Variants in ATP6V1C2 observed in about 807,000 individuals in gnomAD.
The protein encoded by ATP6V1C2 is ATPase H+ transporting V1 subunit C2, also known as V-type proton ATPase subunit C 2.
A neutral mutation model predicts 56.8 loss-of-function variants in ATP6V1C2; 45 were observed. The ratio of observed to expected loss-of-function variants is 0.79; its 90% CI spans 0.62 to 1.02. The LOEUF (loss-of-function observed/expected upper bound fraction) is 1.02, where lower values mean the gene tolerates loss of function less well. Among genes scored for constraint, ATP6V1C2 ranks in the 50% least tolerant of loss-of-function variants. The probability of loss-of-function intolerance (pLI) is 0.00; values close to 1 mark genes in which losing one functional copy is unlikely to be tolerated. For missense variants in ATP6V1C2, 463 were observed against 519.7 expected (o/e 0.89, Z 1.06); for synonymous variants, 220 against 201.3 (o/e 1.09, Z -0.79).
intron 3 of ATP6V1C2, among the ~76,000 whole-genome samples, chr2:10,747,630 T>G (rs911694929): frequency 2.5e-4 from 38 of 151,978 alleles, no homozygotes; most frequent in African/African-American, 8.7e-4. Flanking sequence ...AAGGCTGAGG[T>G]GGGAGGATCA....
At chr2:10,731,466 C>A (rs1661948792) in intron 3 of ATP6V1C2, among the ~76,000 whole-genome samples, 1 of 152,232 alleles carries the variant, frequency 6.6e-6, no homozygotes, top group Non-Finnish European at 1.5e-5. Context: ...GGAGGTATGA[C>A]TGGCCTTGTA....
rs151314605 is a variant in ATP6V1C2 at position 10,728,526 on chromosome 2, C to G, written c.197+1957C>G. 5.9e-3 allele frequency among the ~76,000 whole-genome samples: 902 copies of G among 151,988 alleles called. 9 individuals carry two copies. Among genetic ancestry groups the G allele is most frequent in the African/African-American group, 0.019 (774 of 41,458 alleles). On this transcript the variant is annotated intron_variant, in intron 3 of 13. Coordinates refer to ENST00000272238, the MANE Select transcript of ATP6V1C2 (RefSeq NM_001039362.2). ...GCTGTGTTACTGTGAATAGATGTAC[C>G]CTCATTTATTTGAATAGACTGGTGG...
intron 12 of ATP6V1C2, among the ~76,000 whole-genome samples, chr2:10,781,989 G>T (rs745638192): frequency 6.6e-6 from 1 of 152,198 alleles, no homozygotes; most frequent in Non-Finnish European, 1.5e-5. Context: ...CCGTGGAATG[G>T]CCATTCATGG....
In ATP6V1C2 at chr2:10,777,677, T is replaced by C. The variant is rs1419157039; in HGVS notation, c.918T>C (p.Ala306=). ...VTPLGNPDRP[A]AGQTDRERES... ...CGCTAGGTAACCCTGATAGGCCTGC[T>C]GCGGGGCAGACCGACAGAGAGAGAG... Residue 306 remains alanine, a synonymous_variant, in exon 11 of 14, where the codon GCT becomes GCC. Transcript: ENST00000272238. 9 of 1,613,998 alleles carry C rather than the reference T, an allele frequency of 5.6e-6. No individual in the cohort carries two copies. The highest frequency in any genetic ancestry group is 6.8e-6 in the Non-Finnish European group (8 of 1,179,990).
In ATP6V1C2 at chr2:10,777,589, C is replaced by CT. The variant is rs771392011; in HGVS notation, c.832dup (p.Ser278PhefsTer6). 1.2e-6 allele frequency: 2 copies of CT among 1,611,098 alleles called. No individual in the cohort carries two copies. Among genetic ancestry groups the CT allele is most frequent in the South Asian group, 1.1e-5 (1 of 90,378 alleles). The stretch of plus-strand genomic sequence containing the variant: ...AAATCATTTCTGTGCCTTTAGCAAA[C>CT]TTCCTGTGTTGCTCTTAAAAAGGGA... On this transcript the variant is annotated frameshift_variant, in exon 11 of 14. Coordinates refer to ENST00000272238, the MANE Select transcript of ATP6V1C2 (RefSeq NM_001039362.2). LOFTEE classifies it high-confidence loss of function.
At chr2:10,744,462 T>A (rs942070379) in intron 3 of ATP6V1C2, among the ~76,000 whole-genome samples, 2 of 152,170 alleles carry the variant, frequency 1.3e-5, no homozygotes, top group African/African-American at 4.8e-5. Context: ...GAGCTATTTG[T>A]TGATGCTCTT....
At chr2:10,771,784 ACT>A in intron 6 of ATP6V1C2, 53 bp from the exon 7 acceptor site, 4 of 1,401,424 alleles carry the variant, frequency 2.9e-6, no homozygotes, top group Non-Finnish European at 1.0e-6. Context: ...GTGTGGGGTC[ACT>A]GTGTCCCTTT....
chr2:10,775,203 G>T (rs917206955), intron 10 of ATP6V1C2, 132 bp downstream of exon 10: 1 of 722,424 alleles, frequency 1.4e-6, no homozygotes. Flanking sequence ...CATGGGGACC[G>T]TCTGTTCTCA....
At chr2:10,777,456 C>A in intron 10 of ATP6V1C2, 129 bp from the exon 11 acceptor site, 1 of 1,203,810 alleles carries the variant, frequency 8.3e-7, no homozygotes, top group Non-Finnish European at 1.2e-6. Context: ...GTCTAGCCAG[C>A]ACGCGAGTCC....
chr2:10,753,956 G>A (rs571239179), intron 3 of ATP6V1C2, 25 bp from the exon 4 acceptor site: 35 of 1,577,828 alleles, frequency 2.2e-5, no homozygotes, highest in South Asian at 2.2e-4. Flanking sequence ...TACTCTAACC[G>A]GCTCTTTTTC....
intron 3 of ATP6V1C2, among the ~76,000 whole-genome samples, chr2:10,741,610 TG>T (rs1362176913): frequency 6.6e-6 from 1 of 152,106 alleles, no homozygotes; most frequent in East Asian, 1.9e-4. Context: ...TGCTAGCACC[TG>T]CTTTCACGGA....
intron 3 of ATP6V1C2, among the ~76,000 whole-genome samples, chr2:10,736,673 G>A (rs4668694): frequency 0.11 from 16,614 of 151,116 alleles, 1,898 homozygotes; most frequent in East Asian, 0.39. Context: ...AACATGCTTA[G>A]TTACATGCTT....
At chr2:10,724,938 T>C (rs1572492684) in intron 2 of ATP6V1C2, among the ~76,000 whole-genome samples, 1 of 152,156 alleles carries the variant, frequency 6.6e-6, no homozygotes, top group African/African-American at 2.4e-5. Context: ...TGTGAGCCAC[T>C]GTGCCCAGCC....
chr2:10,732,540 G>A (rs772923455), intron 3 of ATP6V1C2, among the ~76,000 whole-genome samples: 2 of 152,062 alleles, frequency 1.3e-5, no homozygotes, highest in African/African-American at 2.4e-5. Context: ...GGTTACGGGC[G>A]TGAGCCACCA....
At chr2:10,773,010 T>G (rs1664728992) in intron 8 of ATP6V1C2, among the ~76,000 whole-genome samples, 1 of 152,158 alleles carries the variant, frequency 6.6e-6, no homozygotes. Context: ...GAAAGCGGCC[T>G]CAGCGTGTGG....
At chr2:10,772,663 C>A in intron 8 of ATP6V1C2, 53 bp downstream of exon 8, 1 of 1,502,812 alleles carries the variant, frequency 6.7e-7, no homozygotes, top group East Asian at 2.3e-5. Flanking sequence ...TGTGTGGGTG[C>A]TTCAGGGCAC....
chr2:10,768,492 G>A (rs188710350), intron 5 of ATP6V1C2, among the ~76,000 whole-genome samples: 2 of 152,222 alleles, frequency 1.3e-5, no homozygotes, highest in Non-Finnish European at 2.9e-5. Flanking sequence ...ATCAGGAAAG[G>A]TTGGGCTCAC....
At chr2:10,777,416 G>A (rs1037399416) in intron 10 of ATP6V1C2, among the ~76,000 whole-genome samples, 169 bp from the exon 11 acceptor site, 2 of 152,200 alleles carry the variant, frequency 1.3e-5, no homozygotes, top group African/African-American at 4.8e-5. Flanking sequence ...CACCACTCCA[G>A]GAGCCCGGTG....
At chr2:10,772,015 T>C (rs1664643911) in intron 7 of ATP6V1C2, 78 bp downstream of exon 7, 5 of 1,303,942 alleles carry the variant, frequency 3.8e-6, no homozygotes, top group South Asian at 1.2e-5. Context: ...ACTTGGGCAG[T>C]GTGGACGAGG....
Sources: gnomAD v4.1 joint callset for allele counts (sites outside exome capture counted in the v4.1 genomes callset) on GRCh38, gnomAD v4.1.1 for gene constraint, MANE v1.5 for transcripts, NCBI Gene and HGNC (gene_info 2026-07-23, HGNC 2026-07-21) for gene names.